ZMYND11: variants seen among roughly 807,000 people sequenced by gnomAD.
The protein encoded by ZMYND11 is zinc finger MYND-type containing 11, also known as zinc finger MYND domain-containing protein 11.
In ZMYND11, 9 loss-of-function variants were observed where a neutral mutation model predicts 84.9. The ratio of observed to expected loss-of-function variants is 0.11; its 90% CI spans 0.06 to 0.18. The LOEUF (loss-of-function observed/expected upper bound fraction) is 0.18. Ranked by LOEUF, ZMYND11 falls within the 10% of genes least tolerant of loss-of-function variation. ZMYND11 has a pLI of 1.00. For synonymous variants in ZMYND11, 250 were observed against 244.1 expected (o/e 1.02, Z -0.23); for missense variants, 409 against 761.0 (o/e 0.54, Z 5.44).
chr10:175,953 C>T lies in ZMYND11; in HGVS notation c.-19-4041C>T, dbSNP rs149811472. Among the ~76,000 whole-genome samples the T allele has an allele frequency of 6.1e-3, 933 of 152,274 alleles. 34 individuals are homozygous for T. The highest frequency in any genetic ancestry group is 0.055 in the Admixed American group (842 of 15,282). ...TGGTGTTTTGAATTTTCACACTGTG[C>T]TCCTCCATCTCTCTTCCCTGCACCC... On this transcript the variant is annotated intron_variant, in intron 1 of 14. Coordinates refer to ENST00000381604, the MANE Select transcript of ZMYND11 (RefSeq NM_001370100.5).
rs115494217 is a variant in ZMYND11, at chr10:185,453, C to T, written c.116+5325C>T. ...GGAGATTTAAAAACTATGTTACCGT[C>T]ATAATCATCCCATCTCACAACAATC... On this transcript the variant is annotated intron_variant, in intron 2 of 14. Coordinates refer to ENST00000381604, the MANE Select transcript of ZMYND11 (RefSeq NM_001370100.5). 9.2e-3 allele frequency among the ~76,000 whole-genome samples: 1,217 copies of T among 132,212 alleles called. 21 individuals carry two copies. The highest frequency in any genetic ancestry group is 0.033 in the African/African-American group (1,161 of 35,274). The allele number at this position is 132,212 out of a possible 152,430, so 86.7% of individuals were successfully genotyped here. A position where few individuals can be genotyped will look rare whatever the true frequency, so the allele number is the denominator to read the frequency against.
chr10:201,374 C>T (rs186888867), intron 2 of ZMYND11, among the ~76,000 whole-genome samples: 1,855 of 152,208 alleles, frequency 0.012, 11 homozygotes, highest in Admixed American at 0.024. Flanking sequence ...TGTGGTGGTT[C>T]GTTCTTCCAC....
intron 2 of ZMYND11, among the ~76,000 whole-genome samples, chr10:195,935 G>A (rs1941623521): frequency 6.6e-6 from 1 of 152,146 alleles, no homozygotes; most frequent in African/African-American, 2.4e-5. Flanking sequence ...GAAGTTTGTT[G>A]GGGAAAATAG....
At chr10:169,207 G>C (rs1290917217) in intron 1 of ZMYND11, among the ~76,000 whole-genome samples, 4 of 152,076 alleles carry the variant, frequency 2.6e-5, no homozygotes, top group Admixed American at 2.0e-4. Flanking sequence ...CAGTCATCCT[G>C]TCCCACATAA....
rs1198249826 is a variant in ZMYND11 at position 251,458 on chromosome 10, A to G, written c.1687-890A>G. 3.3e-5 allele frequency among the ~76,000 whole-genome samples: 5 copies of G among 152,178 alleles called. 1 individual carries two copies. The highest frequency in any genetic ancestry group is 1.2e-4 in the African/African-American group (5 of 41,438). The stretch of plus-strand genomic sequence containing the variant: ...GGAAATTAGAATGTTTAGGTATCAA[A>G]TGTAGGCTAGTCTCCCTGGGTTCTT... On this transcript the variant is annotated intron_variant, in intron 14 of 14. Transcript: ENST00000381604.
At chr10:193,499 A>G (rs1177594777) in intron 2 of ZMYND11, among the ~76,000 whole-genome samples, 3 of 152,170 alleles carry the variant, frequency 2.0e-5, no homozygotes, top group African/African-American at 7.2e-5. Flanking sequence ...GTCTTCAATG[A>G]TATTTGTTGA....
intron 10 of ZMYND11, among the ~76,000 whole-genome samples, chr10:245,663 G>A (rs746998457): frequency 5.3e-5 from 8 of 152,138 alleles, no homozygotes; most frequent in Admixed American, 1.3e-4. Context: ...ATTGTCTGCT[G>A]TCTAAATCTT....
intron 1 of ZMYND11, among the ~76,000 whole-genome samples, chr10:139,195 T>C (rs1385898572): frequency 2.6e-5 from 4 of 152,254 alleles, no homozygotes; most frequent in Admixed American, 6.5e-5. Flanking sequence ...GTGAGAGTTC[T>C]TATTTTAACC....
At chr10:165,033 T>A (rs1243084381) in intron 1 of ZMYND11, among the ~76,000 whole-genome samples, 2 of 152,120 alleles carry the variant, frequency 1.3e-5, no homozygotes, top group African/African-American at 4.8e-5. Flanking sequence ...CTTCTGTCTC[T>A]TTCCGGCTAC....
chr10:174,820 C>A (rs527282779), intron 1 of ZMYND11, among the ~76,000 whole-genome samples: 1 of 151,776 alleles, frequency 6.6e-6, no homozygotes, highest in South Asian at 2.1e-4. Flanking sequence ...ACTACAGTGG[C>A]ACATGCTTGT....
chr10:184,591 A>T (rs1848546379), intron 2 of ZMYND11, among the ~76,000 whole-genome samples: 2 of 152,018 alleles, frequency 1.3e-5, no homozygotes, highest in African/African-American at 4.8e-5. Context: ...TTTACCTTAT[A>T]TCATTTTCTT....
At chr10:201,097 C>G (rs1481403147) in intron 2 of ZMYND11, among the ~76,000 whole-genome samples, 1 of 151,832 alleles carries the variant, frequency 6.6e-6, no homozygotes, top group Non-Finnish European at 1.5e-5. Context: ...ATTTCTATCT[C>G]AAATTTTATG....
chr10:200,670 G>A (rs1373720779), intron 2 of ZMYND11, among the ~76,000 whole-genome samples: 2 of 152,002 alleles, frequency 1.3e-5, no homozygotes, highest in East Asian at 3.8e-4. Flanking sequence ...TTATCTGTAA[G>A]GCTGTTGATG....
intron 1 of ZMYND11, among the ~76,000 whole-genome samples, chr10:164,952 TCA>T (rs1447469394): frequency 2.0e-5 from 3 of 151,576 alleles, no homozygotes; most frequent in African/African-American, 7.3e-5. Flanking sequence ...TTTTGAAAAA[TCA>T]TGTGTATGTA....
chr10:224,497 T>C lies in ZMYND11; in HGVS notation c.438+3141T>C, dbSNP rs142295619. 1.5e-3 allele frequency among the ~76,000 whole-genome samples: 224 copies of C among 152,322 alleles called. 2 individuals carry two copies. The highest frequency in any genetic ancestry group is 1.7e-3 in the Non-Finnish European group (115 of 68,026). ...TTAAATACTGTCCAGTTTCACACTT[T>C]TACTGAGATCTCTCTCATTAAATTT... On this transcript the variant is annotated intron_variant, in intron 4 of 14. Coordinates refer to ENST00000381604, the MANE Select transcript of ZMYND11 (RefSeq NM_001370100.5).
intron 1 of ZMYND11, among the ~76,000 whole-genome samples, chr10:136,837 C>G (rs1836209942): frequency 6.6e-6 from 1 of 152,050 alleles, no homozygotes; most frequent in Non-Finnish European, 1.5e-5. Flanking sequence ...ATATACAGCC[C>G]TTACGCGGTT....
intron 3 of ZMYND11, 131 bp from the exon 4 acceptor site, chr10:221,064 T>C (rs1053594813): frequency 1.2e-6 from 1 of 814,134 alleles, no homozygotes; most frequent in Non-Finnish European, 2.0e-6. Flanking sequence ...TTCCCTCTTG[T>C]TTTAACACAG....
At position 184,179 on chromosome 10, in the gene ZMYND11, G is replaced by A. The variant is rs377364396; in HGVS notation, c.116+4051G>A. On this transcript the variant is annotated intron_variant, in intron 2 of 14. Transcript: ENST00000381604. ...CATGGTTCTCAGGGACATCATCTGT[G>A]ATAAAATTTTAGAATCTCGTGTAGT... Among the ~76,000 whole-genome samples the A allele has an allele frequency of 3.3e-4, 50 of 152,062 alleles. 1 individual carries two copies. In the East Asian group the frequency reaches 3.9e-3, roughly 12 times the overall value.
chr10:241,966 A>C (rs199768960), intron 9 of ZMYND11, 55 bp from the exon 10 acceptor site: 179 of 1,575,254 alleles, frequency 1.1e-4, no homozygotes, highest in Non-Finnish European at 5.7e-5. Context: ...TTAATGGTAC[A>C]CTTGCATTTA....
Sources: gnomAD v4.1 joint callset for allele counts (sites outside exome capture counted in the v4.1 genomes callset) on GRCh38, gnomAD v4.1.1 for gene constraint, MANE v1.5 for transcripts, NCBI Gene and HGNC (gene_info 2026-07-23, HGNC 2026-07-21) for gene names.